EYS: variants seen among roughly 807,000 people sequenced by gnomAD.
EYS encodes the protein EGF-like photoreceptor maintenance factor.
Under a neutral mutation model 282.1 loss-of-function variants are expected in EYS, and 250 were observed. The observed-to-expected ratio is 0.89, with a 90% CI of 0.80 to 0.98. The LOEUF is 0.98. Ranked by LOEUF, EYS falls within the 50% of genes least tolerant of loss-of-function variation. The pLI is 0.00. For synonymous variants in EYS, 1,355 were observed against 1,282.9 expected, an observed-to-expected ratio of 1.06 and a Z score of -1.20; for missense variants, 4,016 against 3,709.0, an observed-to-expected ratio of 1.08 and a Z score of -2.15.
chr6:65,133,217 A>T (rs1439656607), intron 12 of EYS, among the ~76,000 whole-genome samples: 1 of 151,820 alleles, frequency 6.6e-6, no homozygotes, highest in Non-Finnish European at 1.5e-5. Flanking sequence ...GTAGTTTACA[A>T]CTCATTTGAA....
chr6:64,063,761 T>A (rs949650214), intron 33 of EYS, among the ~76,000 whole-genome samples: 3 of 152,182 alleles, frequency 2.0e-5, no homozygotes, highest in African/African-American at 7.2e-5. Context: ...TGAGTCTTGC[T>A]CTGATCCCAA....
At chr6:65,118,012 A>G (rs73768075) in intron 12 of EYS, among the ~76,000 whole-genome samples, 2,000 of 152,318 alleles carry the variant, frequency 0.013, 34 homozygotes, top group African/African-American at 0.045. Context: ...AGAGATAAAT[A>G]AAACTGATAG....
intron 26 of EYS, among the ~76,000 whole-genome samples, chr6:64,534,700 A>G (rs916562982): frequency 3.3e-5 from 5 of 152,092 alleles, no homozygotes; most frequent in Admixed American, 1.3e-4. Context: ...GTTCCAATTA[A>G]TTATTTTGCA....
chr6:64,294,920 T>C (rs751829873), intron 30 of EYS, among the ~76,000 whole-genome samples: 2 of 152,182 alleles, frequency 1.3e-5, no homozygotes, highest in African/African-American at 2.4e-5. Context: ...TGCTGTATGC[T>C]GGAGTAAGAT....
At chr6:63,913,008 C>T (rs977558695) in intron 35 of EYS, among the ~76,000 whole-genome samples, 7 of 152,184 alleles carry the variant, frequency 4.6e-5, no homozygotes, top group African/African-American at 1.7e-4. Context: ...TTAGACGACA[C>T]AGTTCTAGAT....
intron 22 of EYS, among the ~76,000 whole-genome samples, chr6:64,716,027 C>G (rs1393642514): frequency 6.6e-6 from 1 of 152,184 alleles, no homozygotes; most frequent in Admixed American, 6.5e-5. Context: ...GAAACAAGTG[C>G]TCTGCCTCCA....
At chr6:65,358,497 A>C (rs1910310) in intron 8 of EYS, among the ~76,000 whole-genome samples, 102,236 of 151,644 alleles carry the variant, frequency 0.67, 34,557 homozygotes, top group South Asian at 0.71. Flanking sequence ...GTTGATTATA[A>C]ACTCAAAGCT....
intron 41 of EYS, among the ~76,000 whole-genome samples, chr6:63,760,063 A>C (rs1411699451): frequency 1.3e-5 from 2 of 152,102 alleles, no homozygotes; most frequent in African/African-American, 4.8e-5. Context: ...GAGTGAAAAG[A>C]AAATTATACT....
At position 65,296,091 on chromosome 6, in the gene EYS, T is replaced by C; in HGVS notation, c.1795A>G (p.Arg599Gly). 6.5e-7 allele frequency: 1 copy of C among 1,549,680 alleles called. No homozygotes were observed. Among genetic ancestry groups the C allele is most frequent in the Non-Finnish European group, 8.7e-7 (1 of 1,146,012 alleles). Residue 599 changes from arginine to glycine, a missense_variant, in exon 12 of 43, where the codon AGA (arginine) becomes GGA (glycine). Physicochemically the swap from Arg to Gly is moderately radical, Grantham distance 125 (BLOSUM62 -2). Transcript: ENST00000503581. Reference sequence around the variant, plus strand: ...TAGTCAACATTGACAACACACAATCTGCCAATGTAACTAAGAGAACAGCTG... The same window carrying C: ...TAGTCAACATTGACAACACACAATCCGCCAATGTAACTAAGAGAACAGCTG... ...RCSCSLSYIG[R>G]LCVVNVDYCL...
intron 2 of EYS, among the ~76,000 whole-genome samples, chr6:65,537,874 C>A (rs1412328086): frequency 6.6e-6 from 1 of 152,130 alleles, no homozygotes. Context: ...ATAGCAGGAT[C>A]CCTGCAGTAA....
chr6:64,742,014 T>A (rs1174511454), intron 22 of EYS, among the ~76,000 whole-genome samples: 1 of 152,212 alleles, frequency 6.6e-6, no homozygotes, highest in African/African-American at 2.4e-5. Flanking sequence ...CCTGGCTATT[T>A]GGTGCAAGAG....
chr6:64,697,694 A>T (rs1476321177), intron 22 of EYS, among the ~76,000 whole-genome samples: 1 of 152,182 alleles, frequency 6.6e-6, no homozygotes, highest in Non-Finnish European at 1.5e-5. Context: ...CTGTAATCCC[A>T]GCACTTTGGG....
intron 2 of EYS, among the ~76,000 whole-genome samples, chr6:65,637,989 C>G (rs1216405860): frequency 6.6e-6 from 1 of 152,204 alleles, no homozygotes; most frequent in Non-Finnish European, 1.5e-5. Context: ...TGGCCTGAAG[C>G]CTGGGGGCCG....
intron 28 of EYS, among the ~76,000 whole-genome samples, chr6:64,391,071 G>A (rs935739427): frequency 6.6e-6 from 1 of 152,178 alleles, no homozygotes; most frequent in Admixed American, 6.5e-5. Context: ...GGGAAGTTTA[G>A]AGAAAAAAGA....
In EYS at chr6:64,433,970, A is replaced by C. The variant is rs560979594; in HGVS notation, c.5927+2204T>G. On this transcript the variant is annotated intron_variant, in intron 28 of 42. Coordinates refer to ENST00000503581, the MANE Select transcript of EYS (RefSeq NM_001142800.2). ...ATGCAAAATGACTGCTATGGGTTGA[A>C]TTGTGTTTCACTCAAAATTCATATG... is the stretch of plus-strand genomic sequence containing the variant. Among the ~76,000 whole-genome samples the C allele has an allele frequency of 3.3e-5, 5 of 152,104 alleles. No individual in the cohort carries two copies. The East Asian group carries it at 7.7e-4, about 24-fold the overall frequency.
intron 14 of EYS, among the ~76,000 whole-genome samples, chr6:64,973,539 A>G (rs890550030): frequency 1.3e-5 from 2 of 152,008 alleles, no homozygotes; most frequent in Non-Finnish European, 2.9e-5. Context: ...CCAAAGGAAG[A>G]GATTGTGTAT....
intron 2 of EYS, among the ~76,000 whole-genome samples, chr6:65,587,400 T>C (rs554896559): frequency 3.9e-4 from 59 of 152,180 alleles, no homozygotes; most frequent in Non-Finnish European, 7.9e-4. Context: ...GGGGGCCATG[T>C]CCCCAGTGCT....
chr6:64,173,035 A>C lies in EYS; in HGVS notation c.6424+57557T>G, dbSNP rs952531926. On this transcript the variant is annotated intron_variant, in intron 31 of 42. Transcript: ENST00000503581. ...GAATATCTGGTATGTCCCAGGTACT[A>C]GCTATGGTGAGCAGCAGGGACTGAG... Among the ~76,000 whole-genome samples, 7 of 152,164 alleles carry C rather than the reference A, an allele frequency of 4.6e-5. 1 individual carries two copies. The highest frequency in any genetic ancestry group is 1.4e-4 in the African/African-American group (6 of 41,448).
intron 18 of EYS, among the ~76,000 whole-genome samples, chr6:64,894,797 C>A (rs754587088): frequency 6.6e-6 from 1 of 152,124 alleles, no homozygotes; most frequent in Non-Finnish European, 1.5e-5. Context: ...CTCTGCAATG[C>A]TACTGATCCA....
Sources: allele counts gnomAD v4.1 joint callset (sites outside exome capture counted in the v4.1 genomes callset), GRCh38; gene constraint gnomAD v4.1.1; transcripts MANE v1.5; gene names NCBI Gene and HGNC (gene_info 2026-07-23, HGNC 2026-07-21).